Variants in DLC1 observed in about 807,000 individuals in gnomAD.
DLC1 encodes the protein DLC1 Rho GTPase activating protein.
Under a neutral mutation model 140.3 loss-of-function variants are expected in DLC1, and 54 were observed. The observed-to-expected ratio is 0.38, with a 90% CI of 0.31 to 0.48. DLC1 has a LOEUF of 0.48. DLC1 is among the 20% of genes least tolerant of loss of function. The pLI is 0.96. For missense variants in DLC1, 2,536 were observed against 1,907.0 expected (o/e 1.33, Z -6.14); for synonymous variants, 986 against 728.1 (o/e 1.35, Z -5.70).
intron 10 of DLC1, among the ~76,000 whole-genome samples, chr8:13,098,174 G>A (rs796295188): frequency 2.6e-5 from 4 of 151,780 alleles, no homozygotes; most frequent in African/African-American, 7.2e-5. Context: ...GCAGTGAGCC[G>A]AGATCGCACC....
chr8:13,301,486 C>T (rs116857674), intron 5 of DLC1, among the ~76,000 whole-genome samples: 1 of 152,116 alleles, frequency 6.6e-6, no homozygotes, highest in Non-Finnish European at 1.5e-5. Flanking sequence ...TTTTTTGGGA[C>T]TTAGTTTGTA....
Position 13,186,219 on chromosome 8 carries a change from C to T in DLC1, c.1349-70562G>A, listed in dbSNP as rs566185348. On this transcript the variant is annotated intron_variant, in intron 5 of 17. Transcript: ENST00000276297. ...TGCCTTGCTAGGTTGGGGAAGTTCTCCTGGATAATATCCTGAAGAGTGTTT... is the reference window on the plus strand; with the variant it reads ...TGCCTTGCTAGGTTGGGGAAGTTCTTCTGGATAATATCCTGAAGAGTGTTT... 1.0e-3 allele frequency among the ~76,000 whole-genome samples: 152 copies of T among 152,284 alleles called. 1 individual carries two copies. Among genetic ancestry groups the T allele is most frequent in the South Asian group, 3.7e-3 (18 of 4,818 alleles).
chr8:13,582,914 A>ATATATATATG (rs1805164848), intron 1 of DLC1, among the ~76,000 whole-genome samples: 2 of 123,006 alleles, frequency 1.6e-5, no homozygotes, highest in Non-Finnish European at 3.4e-5. Flanking sequence ...ATATATATAT[A>ATATATATATG]TATATGTGGT....
rs1563360073 is a variant in DLC1 at position 13,453,443 on chromosome 8, TATATAC to T, written c.1023+45600_1023+45605del. On this transcript the variant is annotated intron_variant, in intron 2 of 17. Coordinates refer to ENST00000276297, the MANE Select transcript of DLC1 (RefSeq NM_182643.3). ...ATATATGTGTATATATATATGTATA[TATATAC>T]ATATATATATGTATATATATACATA... Among the ~76,000 whole-genome samples the T allele has an allele frequency of 1.1e-3, 41 of 38,778 alleles. 1 individual carries two copies. The highest frequency in any genetic ancestry group is 3.5e-3 in the African/African-American group (35 of 9,870). 25.4% of individuals were successfully genotyped at this position (38,778 alleles called of 152,430 possible).
intron 2 of DLC1, among the ~76,000 whole-genome samples, chr8:13,462,807 G>A (rs1474229732): frequency 1.3e-5 from 2 of 152,158 alleles, no homozygotes; most frequent in African/African-American, 4.8e-5. Context: ...CACCAGATTG[G>A]AATCAAGGTA....
chr8:13,419,821 C>T (rs1159024024), intron 2 of DLC1, among the ~76,000 whole-genome samples: 6 of 152,212 alleles, frequency 3.9e-5, no homozygotes, highest in African/African-American at 1.2e-4. Context: ...TGGTAGAATT[C>T]GGCTGTGAAT....
chr8:13,406,324 A>G (rs1763221647), intron 2 of DLC1, among the ~76,000 whole-genome samples: 1 of 151,462 alleles, frequency 6.6e-6, no homozygotes, highest in Admixed American at 6.6e-5. Flanking sequence ...GACCTTGCCC[A>G]GTTCTTTAAA....
intron 1 of DLC1, among the ~76,000 whole-genome samples, chr8:13,539,185 G>GTATGTATGTA (rs35531208): frequency 0.031 from 4,658 of 151,430 alleles, 176 homozygotes; most frequent in East Asian, 0.12. Flanking sequence ...GTATGTATGT[G>GTATGTATGTA]TGTATGTATG....
chr8:13,413,256 A>ACTTTTTTTTTTTTTTTT (rs1491415150), intron 2 of DLC1, among the ~76,000 whole-genome samples: 10 of 82,022 alleles, frequency 1.2e-4, no homozygotes, highest in Non-Finnish European at 2.3e-4. Context: ...TTTTTTTGCG[A>ACTTTTTTTTTTTTTTTT]TTTTTTTTTT....
intron 4 of DLC1, among the ~76,000 whole-genome samples, chr8:13,368,856 C>T (rs1217068641): frequency 1.3e-5 from 2 of 152,154 alleles, no homozygotes; most frequent in Admixed American, 6.6e-5. Flanking sequence ...GGGAGTCTCA[C>T]TCTGTTGCCC....
intron 6 of DLC1, among the ~76,000 whole-genome samples, chr8:13,114,916 G>A (rs1820423938): frequency 1.3e-5 from 2 of 152,176 alleles, no homozygotes; most frequent in Non-Finnish European, 2.9e-5. Flanking sequence ...CTTTCGAAAA[G>A]CTTGCATTTT....
intron 2 of DLC1, among the ~76,000 whole-genome samples, chr8:13,441,663 G>A (rs1455984432): frequency 5.3e-5 from 8 of 152,000 alleles, no homozygotes; most frequent in Non-Finnish European, 8.8e-5. Context: ...GGACGTGAAG[G>A]ACCTCTTCAA....
intron 5 of DLC1, among the ~76,000 whole-genome samples, chr8:13,220,338 C>T (rs965293163): frequency 2.0e-5 from 3 of 151,990 alleles, no homozygotes; most frequent in Non-Finnish European, 2.9e-5. Flanking sequence ...GATAAAGGTG[C>T]CCCACGTAAA....
At chr8:13,242,216 G>T (rs1001611798) in intron 5 of DLC1, among the ~76,000 whole-genome samples, 1 of 151,976 alleles carries the variant, frequency 6.6e-6, no homozygotes, top group Non-Finnish European at 1.5e-5. Context: ...TCTAGGGAAG[G>T]CATCTTTCCT....
chr8:13,587,608 T>C (rs1805374540), intron 1 of DLC1, among the ~76,000 whole-genome samples: 1 of 86,712 alleles, frequency 1.2e-5, no homozygotes, highest in South Asian at 3.9e-4. Context: ...ATTGCATATA[T>C]ATATATATAT....
intron 5 of DLC1, among the ~76,000 whole-genome samples, chr8:13,302,626 C>A (rs567143069): frequency 6.6e-6 from 1 of 151,440 alleles, no homozygotes; most frequent in Non-Finnish European, 1.5e-5. Flanking sequence ...AGAGTTGGTT[C>A]CAGTTAGCTT....
chr8:13,510,781 C>T (rs1802323202), intron 1 of DLC1, among the ~76,000 whole-genome samples: 1 of 152,132 alleles, frequency 6.6e-6, no homozygotes. Flanking sequence ...CCTATGCTTC[C>T]TTCTGGTGCT....
intron 1 of DLC1, among the ~76,000 whole-genome samples, chr8:13,504,888 G>A (rs1801984239): frequency 1.3e-5 from 2 of 152,100 alleles, no homozygotes; most frequent in Admixed American, 1.3e-4. Context: ...GCACAAGTGA[G>A]GAAGGTATAG....
intron 5 of DLC1, among the ~76,000 whole-genome samples, chr8:13,178,465 A>T (rs758856956): frequency 2.6e-5 from 4 of 151,586 alleles, no homozygotes; most frequent in Admixed American, 1.3e-4. Context: ...CCACCTACTC[A>T]GGAGGCTGAG....
Sources: allele counts gnomAD v4.1 joint callset (sites outside exome capture counted in the v4.1 genomes callset), GRCh38; gene constraint gnomAD v4.1.1; transcripts MANE v1.5; gene names NCBI Gene and HGNC (gene_info 2026-07-23, HGNC 2026-07-21).